Variants in NTM observed in about 807,000 individuals in gnomAD.
The protein encoded by NTM is neurotrimin, also known as IgLON family member 2.
In NTM, 13 loss-of-function variants were observed where a neutral mutation model predicts 42.1. The observed-to-expected ratio is 0.31, with a 90% confidence interval of 0.20 to 0.49. NTM has a LOEUF of 0.49. Ranked by LOEUF, NTM falls within the 20% of genes least tolerant of loss-of-function variation. The probability of loss-of-function intolerance (pLI) is 0.99; values close to 1 mark genes in which losing one functional copy is unlikely to be tolerated. For synonymous variants in NTM, 187 were observed against 179.2 expected (o/e 1.04, Z -0.35); for missense variants, 373 against 452.8 (o/e 0.82, Z 1.60).
At chr11:131,398,941 G>A (rs978887360) in intron 1 of NTM, among the ~76,000 whole-genome samples, 3 of 152,108 alleles carry the variant, frequency 2.0e-5, no homozygotes, top group African/African-American at 7.2e-5. Flanking sequence ...AGTACCCAGT[G>A]GTTGAGAAAA....
chr11:131,522,472 T>C (rs1360092534), intron 1 of NTM, among the ~76,000 whole-genome samples: 2 of 152,202 alleles, frequency 1.3e-5, no homozygotes, highest in Non-Finnish European at 2.9e-5. Context: ...TAACAACCAC[T>C]GAGCAATTCA....
In NTM at chr11:131,705,397, A is replaced by C. The variant is rs1468262852; in HGVS notation, c.83-206167A>C. On this transcript the variant is annotated intron_variant, in intron 1 of 8. Coordinates refer to ENST00000683400, the MANE Select transcript of NTM (RefSeq NM_001352005.2). ...GGCAAAGCTATCCTATACAAATGTA[A>C]AAGACTAAAGACTTACCCAGACAAA... 2.0e-5 allele frequency among the ~76,000 whole-genome samples: 3 copies of C among 152,282 alleles called. No individual in the cohort carries two copies. The East Asian group carries it at 5.8e-4, about 29-fold the overall frequency.
Position 131,579,501 on chromosome 11 carries a change from G to A in NTM, c.82+208613G>A, listed in dbSNP as rs534104307. On this transcript the variant is annotated intron_variant, in intron 1 of 8. Coordinates refer to ENST00000683400, the MANE Select transcript of NTM (RefSeq NM_001352005.2). The stretch of plus-strand genomic sequence containing the variant: ...GTTTGAGAGGCCCCACGTCGGCCTG[G>A]AGGATAATATTACAGGACCCCATAA... Among the ~76,000 whole-genome samples, 33 of 152,314 alleles carry A rather than the reference G, an allele frequency of 2.2e-4. 1 individual carries two copies. Among genetic ancestry groups the A allele is most frequent in the South Asian group, 1.7e-3 (8 of 4,826 alleles).
At chr11:131,554,246 C>T (rs2055090582) in intron 1 of NTM, among the ~76,000 whole-genome samples, 1 of 152,178 alleles carries the variant, frequency 6.6e-6, no homozygotes, top group African/African-American at 2.4e-5. Context: ...TAGGACAATG[C>T]TTGGCCCAAA....
At chr11:132,035,039 C>CA (rs2076348078) in intron 2 of NTM, among the ~76,000 whole-genome samples, 1 of 152,116 alleles carries the variant, frequency 6.6e-6, no homozygotes, top group African/African-American at 2.4e-5. Flanking sequence ...TTTTCATTAA[C>CA]AAAAAATAAT....
At chr11:132,051,123 G>A (rs938012294) in intron 2 of NTM, among the ~76,000 whole-genome samples, 5 of 152,260 alleles carry the variant, frequency 3.3e-5, no homozygotes, top group African/African-American at 4.8e-5. Flanking sequence ...GACTTTGGTC[G>A]AGTAACTTAA....
intron 2 of NTM, among the ~76,000 whole-genome samples, chr11:131,999,229 G>T (rs1360846617): frequency 6.6e-6 from 1 of 152,056 alleles, no homozygotes; most frequent in Non-Finnish European, 1.5e-5. Flanking sequence ...TGTTCCCATG[G>T]CAACCACCTC....
chr11:131,831,180 G>A (rs190690893), intron 1 of NTM, among the ~76,000 whole-genome samples: 1 of 152,178 alleles, frequency 6.6e-6, no homozygotes, highest in Admixed American at 6.5e-5. Flanking sequence ...CCTGATTGCT[G>A]TGGATAGGAC....
chr11:131,434,443 G>A (rs1948951804), intron 1 of NTM, among the ~76,000 whole-genome samples: 1 of 152,130 alleles, frequency 6.6e-6, no homozygotes, highest in African/African-American at 2.4e-5. Flanking sequence ...ATCCTTTCCA[G>A]CATCTGTTGT....
In NTM at chr11:132,002,519, A is replaced by T. The variant is rs952803007; in HGVS notation, c.167+90871A>T. ...CAAATACAATTACTACTCTGCAAAT[A>T]CTATGTAGAAGAATGAAATGATGTG... On this transcript the variant is annotated intron_variant, in intron 2 of 8. Transcript: ENST00000683400. This position sits in a 1 kb window ranked among gnomAD's most constrained non-coding sequence, Gnocchi z 4.5. Among the ~76,000 whole-genome samples the T allele has an allele frequency of 2.0e-5, 3 of 152,202 alleles. No homozygotes were observed. Among genetic ancestry groups the T allele is most frequent in the Non-Finnish European group, 4.4e-5 (3 of 68,034 alleles).
intron 2 of NTM, among the ~76,000 whole-genome samples, chr11:132,120,950 G>A (rs1324934326): frequency 2.6e-5 from 4 of 152,110 alleles, no homozygotes; most frequent in African/African-American, 4.8e-5. Context: ...GAGAGAGCAC[G>A]TACACTCGTG....
In NTM at chr11:131,406,255, T is replaced by C. The variant is rs146069382; in HGVS notation, c.82+35367T>C. Among the ~76,000 whole-genome samples, 1,250 of 152,310 alleles carry C rather than the reference T, an allele frequency of 8.2e-3. 8 individuals are homozygous for C. Among genetic ancestry groups the C allele is most frequent in the Non-Finnish European group, 0.014 (969 of 68,028 alleles). On this transcript the variant is annotated intron_variant, in intron 1 of 8. Transcript: ENST00000683400. ...TTTATTATTACTGGGAAGTGATATA[T>C]GAATGTAAGAGCATCATCCCTCCAA... is the stretch of plus-strand genomic sequence containing the variant.
intron 2 of NTM, among the ~76,000 whole-genome samples, chr11:132,071,848 G>A (rs1389204505): frequency 6.6e-6 from 1 of 152,064 alleles, no homozygotes; most frequent in Admixed American, 6.6e-5. Context: ...TGGTAACCAG[G>A]TCATCCATCA....
intron 4 of NTM, among the ~76,000 whole-genome samples, chr11:132,244,548 C>T (rs928161442): frequency 5.9e-5 from 9 of 152,212 alleles, no homozygotes; most frequent in African/African-American, 2.2e-4. Flanking sequence ...TGTACACTAA[C>T]TTACACTTTA....
intron 2 of NTM, among the ~76,000 whole-genome samples, chr11:131,953,893 C>T (rs1340977483): frequency 2.0e-5 from 3 of 152,166 alleles, no homozygotes; most frequent in African/African-American, 4.8e-5. Flanking sequence ...AGACCTTTAA[C>T]GTGAATCTGA....
At chr11:132,179,427 G>A (rs1227311664) in intron 3 of NTM, among the ~76,000 whole-genome samples, 1 of 152,132 alleles carries the variant, frequency 6.6e-6, no homozygotes, top group Non-Finnish European at 1.5e-5. Context: ...GTGTACGTGT[G>A]TGTGGAGAGA....
chr11:132,118,178 G>C (rs750058448), intron 2 of NTM, among the ~76,000 whole-genome samples: 128 of 152,076 alleles, frequency 8.4e-4, no homozygotes, highest in Non-Finnish European at 1.6e-3. Flanking sequence ...TTTTAAAAGC[G>C]TAAGTTGAGC....
chr11:131,490,467 A>G (rs951588153), intron 1 of NTM, among the ~76,000 whole-genome samples: 1 of 152,348 alleles, frequency 6.6e-6, no homozygotes. Flanking sequence ...AATTTGTGCA[A>G]GGCTCAGCAG....
At chr11:131,765,323 C>T (rs1351440149) in intron 1 of NTM, among the ~76,000 whole-genome samples, 1 of 152,140 alleles carries the variant, frequency 6.6e-6, no homozygotes, top group Non-Finnish European at 1.5e-5. Flanking sequence ...TTGACTTCTG[C>T]ATATCAAACT....
Sources: gnomAD v4.1 joint callset for allele counts (sites outside exome capture counted in the v4.1 genomes callset) on GRCh38, gnomAD v4.1.1 for gene constraint, Gnocchi (gnomAD v3.1) non-coding constraint, MANE v1.5 for transcripts, NCBI Gene and HGNC (gene_info 2026-07-23, HGNC 2026-07-21) for gene names.